SYN3: variants seen among roughly 807,000 people sequenced by gnomAD.
SYN3 encodes the protein synapsin III.
Under a neutral mutation model 65.8 loss-of-function variants are expected in SYN3, and 35 were observed. The observed-to-expected ratio is 0.53, with a 90% CI of 0.41 to 0.70. The LOEUF (loss-of-function observed/expected upper bound fraction) is 0.70. SYN3 is among the 30% of genes least tolerant of loss of function. The pLI, the probability that SYN3 is intolerant of heterozygous loss-of-function variation, is 0.00. For synonymous variants in SYN3, 270 were observed against 292.9 expected (o/e 0.92, Z 0.80); for missense variants, 680 against 749.0 (o/e 0.91, Z 1.08).
chr22:32,512,844 C>T lies in SYN3; in HGVS notation c.*848G>A, dbSNP rs2057707346. On this transcript the variant is annotated 3_prime_UTR_variant, in exon 14 of 14. Transcript: ENST00000358763. Reference sequence around the variant, plus strand: ...GGAAACGGCATTCCTGGTGGGAGGCCAGAGAGATCAAACAGTGGTGGAACA... The same window carrying T: ...GGAAACGGCATTCCTGGTGGGAGGCTAGAGAGATCAAACAGTGGTGGAACA... The T allele has an allele frequency of 1.3e-5, 2 of 152,202 alleles. No individual in the cohort carries two copies. The highest frequency in any genetic ancestry group is 2.9e-5 in the Non-Finnish European group (2 of 68,038). 9.4% of individuals were successfully genotyped at this position (152,202 alleles called of 1,614,324 possible).
intron 13 of SYN3, among the ~76,000 whole-genome samples, chr22:32,514,273 A>G (rs2057734630): frequency 1.3e-5 from 2 of 152,180 alleles, no homozygotes; most frequent in Non-Finnish European, 2.9e-5. Context: ...GGAGGCCTGT[A>G]TTCTAGAACC....
intron 6 of SYN3, chr22:32,802,065 G>A (rs534982903): frequency 1.3e-6 from 2 of 1,577,298 alleles, no homozygotes; most frequent in Admixed American, 1.8e-5. Flanking sequence ...CTGGGGCGCC[G>A]AGGCGTGCAC....
intron 6 of SYN3, among the ~76,000 whole-genome samples, chr22:32,649,285 G>C (rs960035065): frequency 3.9e-5 from 6 of 152,204 alleles, no homozygotes; most frequent in Admixed American, 2.6e-4. Context: ...GCCAGGCCTA[G>C]AGCAGCCAAT....
intron 7 of SYN3, among the ~76,000 whole-genome samples, chr22:32,594,365 T>C (rs2059168457): frequency 1.3e-5 from 2 of 152,148 alleles, no homozygotes; most frequent in Admixed American, 6.5e-5. Context: ...GTTATTAGAA[T>C]TATCATTTGA....
At chr22:32,825,656 TCAAAAAAA>T in intron 6 of SYN3, among the ~76,000 whole-genome samples, 1 of 56,988 alleles carries the variant, frequency 1.8e-5, no homozygotes, top group African/African-American at 7.0e-5. Flanking sequence ...AGTTTCCATC[TCAAAAAAA>T]AAAAAAAAAA....
At chr22:32,773,406 CAAAAA>C (rs61583056) in intron 6 of SYN3, among the ~76,000 whole-genome samples, 100 of 91,154 alleles carry the variant, frequency 1.1e-3, no homozygotes, top group African/African-American at 4.2e-3. Flanking sequence ...GACTCTGTCT[CAAAAA>C]AAAAAAAAAA....
intron 6 of SYN3, among the ~76,000 whole-genome samples, chr22:32,855,831 G>A (rs1448792370): frequency 6.6e-6 from 1 of 152,166 alleles, no homozygotes. Flanking sequence ...GAGAACCACT[G>A]TATTAGATTA....
chr22:32,545,468 A>ACC (rs745353655), intron 7 of SYN3, among the ~76,000 whole-genome samples: 24 of 152,032 alleles, frequency 1.6e-4, no homozygotes, highest in Non-Finnish European at 2.5e-4. Flanking sequence ...CCCTCTGGGA[A>ACC]CCCTTCTCTT....
chr22:32,700,842 C>T (rs181991231), intron 6 of SYN3, among the ~76,000 whole-genome samples: 111 of 152,314 alleles, frequency 7.3e-4, no homozygotes, highest in African/African-American at 2.6e-3. Flanking sequence ...TCATAGGTAA[C>T]GCATCTTCAA....
At chr22:32,878,271 A>C (rs1345939101) in intron 4 of SYN3, among the ~76,000 whole-genome samples, 1 of 152,110 alleles carries the variant, frequency 6.6e-6, no homozygotes, top group Admixed American at 6.5e-5. Context: ...GGCGTATGTC[A>C]CCCTGAAGTC....
At chr22:32,933,247 G>T (rs1034589252) in intron 3 of SYN3, among the ~76,000 whole-genome samples, 2 of 152,114 alleles carry the variant, frequency 1.3e-5, no homozygotes, top group African/African-American at 4.8e-5. Flanking sequence ...CATGTATGAA[G>T]CACTCACTAT....
chr22:32,529,142 A>C (rs1601570540), intron 10 of SYN3, 134 bp from the exon 11 acceptor site: 1 of 1,103,268 alleles, frequency 9.1e-7, no homozygotes, highest in Non-Finnish European at 1.3e-6. Context: ...CATGCAAATC[A>C]CCTCCAGCTG....
intron 6 of SYN3, among the ~76,000 whole-genome samples, chr22:32,769,022 A>G (rs2045697534): frequency 6.6e-6 from 1 of 152,040 alleles, no homozygotes; most frequent in Non-Finnish European, 1.5e-5. Flanking sequence ...TGCTCTAGGT[A>G]TCACCCCTTT....
intron 6 of SYN3, among the ~76,000 whole-genome samples, chr22:32,827,694 GC>G (rs1303468516): frequency 3.3e-5 from 5 of 152,278 alleles, no homozygotes; most frequent in African/African-American, 1.2e-4. Flanking sequence ...CCTGCTCAAA[GC>G]CCTCCAGTGG....
intron 6 of SYN3, among the ~76,000 whole-genome samples, chr22:32,724,169 C>T (rs2061157926): frequency 6.6e-6 from 1 of 152,226 alleles, no homozygotes; most frequent in Admixed American, 6.5e-5. Context: ...AGCACCTAAG[C>T]CAATGCTATT....
At chr22:32,679,839 C>CTTTTTTTTTTTGTTTTTTTTTTT (rs2060497942) in intron 6 of SYN3, among the ~76,000 whole-genome samples, 1 of 39,150 alleles carries the variant, frequency 2.6e-5, no homozygotes, top group Non-Finnish European at 4.6e-5. Context: ...TGTTTTTTGG[C>CTTTTTTTTTTTGTTTTTTTTTTT]TTTTTTTTTT....
chr22:32,675,604 C>G (rs2060429274), intron 6 of SYN3, among the ~76,000 whole-genome samples: 1 of 152,092 alleles, frequency 6.6e-6, no homozygotes, highest in Non-Finnish European at 1.5e-5. Flanking sequence ...CTCTTTCACC[C>G]AAGGGTACCC....
At chr22:32,725,225 T>G (rs533425159) in intron 6 of SYN3, among the ~76,000 whole-genome samples, 34 of 151,338 alleles carry the variant, frequency 2.2e-4, no homozygotes, top group Admixed American at 1.9e-3. Flanking sequence ...CCACAGCAGG[T>G]TTTTTTTGCT....
At chr22:32,620,002 A>G (rs2059572677) in intron 6 of SYN3, among the ~76,000 whole-genome samples, 2 of 152,240 alleles carry the variant, frequency 1.3e-5, no homozygotes, top group African/African-American at 4.8e-5. Context: ...CGACATGACC[A>G]CAACTGACCA....
Sources: gnomAD v4.1 joint callset for allele counts (sites outside exome capture counted in the v4.1 genomes callset) on GRCh38, gnomAD v4.1.1 for gene constraint, MANE v1.5 for transcripts, NCBI Gene and HGNC (gene_info 2026-07-23, HGNC 2026-07-21) for gene names.